Variants in SYNPR observed in about 807,000 individuals in gnomAD.
The protein encoded by SYNPR is synaptoporin.
Under a neutral mutation model 32.9 loss-of-function variants are expected in SYNPR, and 23 were observed. The observed-to-expected ratio is 0.70, with a 90% confidence interval of 0.50 to 0.99. The LOEUF is 0.99. Ranked by LOEUF, SYNPR falls within the 50% of genes least tolerant of loss-of-function variation. The pLI, the probability that SYNPR is intolerant of heterozygous loss-of-function variation, is 0.00. For missense variants in SYNPR, 318 were observed against 349.3 expected, an observed-to-expected ratio of 0.91 and a Z score of 0.71; for synonymous variants, 146 against 135.9, an observed-to-expected ratio of 1.07 and a Z score of -0.52.
chr3:63,220,011 G>C, the SYNPR span, among the ~76,000 whole-genome samples: 1 of 152,336 alleles, frequency 6.6e-6, no homozygotes, highest in South Asian at 2.1e-4. Context: ...GTCAATGTGA[G>C]TGGCCACAAT....
intron 3 of SYNPR, among the ~76,000 whole-genome samples, chr3:63,494,646 T>C (rs1284934221): frequency 6.6e-6 from 1 of 151,658 alleles, no homozygotes; most frequent in East Asian, 1.9e-4. Flanking sequence ...ATAACACATA[T>C]TATACCCATC....
intron 4 of SYNPR, among the ~76,000 whole-genome samples, chr3:63,603,909 T>C (rs1481449779): frequency 6.6e-6 from 1 of 152,180 alleles, no homozygotes; most frequent in African/African-American, 2.4e-5. Flanking sequence ...TTTTTTGAAA[T>C]AGTTTTGGTA....
At position 63,583,647 on chromosome 3, in the gene SYNPR, G is replaced by T. The variant is rs147947832; in HGVS notation, c.409-25478G>T. 1.2e-4 allele frequency among the ~76,000 whole-genome samples: 18 copies of T among 152,196 alleles called. No homozygotes were observed. In the East Asian group the frequency reaches 3.5e-3, roughly 30 times the overall value. On this transcript the variant is annotated intron_variant, in intron 4 of 5. Transcript: ENST00000478300. The stretch of plus-strand genomic sequence containing the variant: ...TAATAAAATAAGTTCTCTAAAAACA[G>T]TAATCAGGCATATTAGCTTTTAATG...
At chr3:63,496,962 C>CT (rs1448112054) in intron 3 of SYNPR, among the ~76,000 whole-genome samples, 3 of 152,004 alleles carry the variant, frequency 2.0e-5, no homozygotes, top group Admixed American at 2.0e-4. Context: ...GAGCTTCATC[C>CT]TTTTTAAGAA....
At chr3:63,244,068 G>A (rs143827711) in intron 1 of SYNPR, among the ~76,000 whole-genome samples, 1 of 152,104 alleles carries the variant, frequency 6.6e-6, no homozygotes, top group Non-Finnish European at 1.5e-5. Context: ...AGCATTATGA[G>A]GCAACCCTGA....
intron 5 of SYNPR, among the ~76,000 whole-genome samples, chr3:63,609,891 C>A (rs1365025416): frequency 1.3e-5 from 2 of 152,120 alleles, no homozygotes; most frequent in Admixed American, 1.3e-4. Flanking sequence ...GCCTGAGCAA[C>A]AGAGTGAGAC....
At chr3:63,292,166 G>A (rs2086746918) in intron 2 of SYNPR, among the ~76,000 whole-genome samples, 1 of 152,130 alleles carries the variant, frequency 6.6e-6, no homozygotes, top group Non-Finnish European at 1.5e-5. Flanking sequence ...GTTGGTCATT[G>A]ACCAAAACAT....
At chr3:63,371,790 G>C (rs552384842) in intron 2 of SYNPR, among the ~76,000 whole-genome samples, 3 of 152,306 alleles carry the variant, frequency 2.0e-5, no homozygotes, top group Middle Eastern at 3.4e-3. Context: ...CACTTTAGTC[G>C]GAGGCGGTTC....
intron 2 of SYNPR, among the ~76,000 whole-genome samples, chr3:63,309,314 C>G (rs76402962): frequency 6.6e-6 from 1 of 151,826 alleles, no homozygotes; most frequent in African/African-American, 2.4e-5. Context: ...TATTTTGCTT[C>G]TGGATCAATT....
At chr3:63,425,609 G>C (rs1699878254) in intron 2 of SYNPR, among the ~76,000 whole-genome samples, 1 of 152,022 alleles carries the variant, frequency 6.6e-6, no homozygotes, top group Non-Finnish European at 1.5e-5. Flanking sequence ...CTTAGGCTCT[G>C]GGATCTGCCT....
chr3:63,324,388 C>A (rs984372909), intron 2 of SYNPR, among the ~76,000 whole-genome samples: 2 of 152,122 alleles, frequency 1.3e-5, no homozygotes, highest in Non-Finnish European at 2.9e-5. Context: ...AGGAAATTTG[C>A]ATTTATCCTG....
chr3:63,230,897 A>G (rs1311756057), intron 1 of SYNPR, among the ~76,000 whole-genome samples: 3 of 152,200 alleles, frequency 2.0e-5, no homozygotes, highest in African/African-American at 4.8e-5. Context: ...TTGGAATTTC[A>G]TAGCCTATAT....
intron 4 of SYNPR, among the ~76,000 whole-genome samples, chr3:63,588,777 G>A (rs1204028476): frequency 6.6e-6 from 1 of 152,058 alleles, no homozygotes; most frequent in African/African-American, 2.4e-5. Flanking sequence ...CCAGGGTCCA[G>A]AAAGGCAGGA....
intron 3 of SYNPR, among the ~76,000 whole-genome samples, chr3:63,502,882 A>G (rs1701509387): frequency 6.6e-6 from 1 of 152,090 alleles, no homozygotes; most frequent in African/African-American, 2.4e-5. Context: ...CTACAAAAGG[A>G]CATCTAAGTT....
intron 4 of SYNPR, among the ~76,000 whole-genome samples, chr3:63,603,678 A>C (rs2106895891): frequency 6.6e-6 from 1 of 152,358 alleles, no homozygotes; most frequent in Admixed American, 6.5e-5. Flanking sequence ...CCAACCTTGC[A>C]TCCCAGGGAT....
upstream of SYNPR, among the ~76,000 whole-genome samples, chr3:63,226,107 A>T (rs186937925): frequency 1.6e-4 from 24 of 152,336 alleles, no homozygotes; most frequent in Non-Finnish European, 5.9e-5. Flanking sequence ...AACATCCCTG[A>T]TAATTAGGGA....
intron 2 of SYNPR, among the ~76,000 whole-genome samples, chr3:63,341,526 A>G (rs2087370879): frequency 6.6e-6 from 1 of 152,138 alleles, no homozygotes; most frequent in Non-Finnish European, 1.5e-5. Flanking sequence ...GATATTGTCA[A>G]TGTTTTGGAT....
At chr3:63,371,648 C>T (rs142814651) in intron 2 of SYNPR, among the ~76,000 whole-genome samples, 1 of 152,356 alleles carries the variant, frequency 6.6e-6, no homozygotes, top group East Asian at 1.9e-4. Context: ...GATACAGCTC[C>T]CCAGTGCAGC....
intron 3 of SYNPR, among the ~76,000 whole-genome samples, chr3:63,543,937 G>A (rs1000521658): frequency 2.0e-5 from 3 of 152,040 alleles, no homozygotes; most frequent in Admixed American, 6.6e-5. Flanking sequence ...GTGGCGGGGC[G>A]TTATTCTAGT....
Sources: allele counts gnomAD v4.1 joint callset (sites outside exome capture counted in the v4.1 genomes callset), GRCh38; gene constraint gnomAD v4.1.1; transcripts MANE v1.5; gene names NCBI Gene and HGNC (gene_info 2026-07-23, HGNC 2026-07-21).